PSD3: variants seen among roughly 807,000 people sequenced by gnomAD.
PSD3 encodes the protein PH and SEC7 domain-containing protein 3.
PSD3 carries 49 observed loss-of-function variants against 105.5 expected under a neutral mutation model. That is an observed-to-expected ratio of 0.46 (90% CI 0.37 to 0.59). The LOEUF (loss-of-function observed/expected upper bound fraction) is 0.59, where lower values mean the gene tolerates loss of function less well. Ranked by LOEUF, PSD3 falls within the 20% of genes least tolerant of loss-of-function variation. PSD3 has a pLI of 0.00. For synonymous variants in PSD3, 557 were observed against 457.8 expected, an observed-to-expected ratio of 1.22 and a Z score of -2.77; for missense variants, 1,561 against 1,263.8, an observed-to-expected ratio of 1.24 and a Z score of -3.57.
rs186249890 is a variant in PSD3 at position 18,648,229 on chromosome 8, A to C, written c.2216+7413T>G. Among the ~76,000 whole-genome samples, 7 of 152,332 alleles carry C rather than the reference A, an allele frequency of 4.6e-5. No individual in the cohort carries two copies. In the South Asian group the frequency reaches 1.0e-3, roughly 23 times the overall value. On this transcript the variant is annotated intron_variant, in intron 10 of 15. Transcript: ENST00000327040. ...TCAGAAGATGACAGGAAGATGAGGG[A>C]AAGTTTGAGACTTCCTAGAGGCTTC...
intron 12 of PSD3, 87 bp downstream of exon 12, chr8:18,600,277 T>C: frequency 8.4e-7 from 1 of 1,192,524 alleles, no homozygotes; most frequent in Non-Finnish European, 1.2e-6. Flanking sequence ...AAACCACAGA[T>C]AAGGGAGACT....
exon 1 of PSD3, chr8:19,084,523 C>G (rs1242809012): frequency 2.4e-6 from 1 of 419,160 alleles, no homozygotes; most frequent in Non-Finnish European, 4.8e-6. Flanking sequence ...CTGCTTTCAT[C>G]ACTCATGATG....
chr8:18,665,543 T>C (rs1389561235), intron 9 of PSD3, among the ~76,000 whole-genome samples: 1 of 152,110 alleles, frequency 6.6e-6, no homozygotes, highest in African/African-American at 2.4e-5. Context: ...ACTGTTAAAA[T>C]GACAAAAAAG....
chr8:19,082,127 A>G (rs1262984338), intron 1 of PSD3, among the ~76,000 whole-genome samples: 1 of 152,352 alleles, frequency 6.6e-6, no homozygotes, highest in East Asian at 1.9e-4. Context: ...TAATCTGTCC[A>G]GGGCTGGACA....
intron 1 of PSD3, among the ~76,000 whole-genome samples, chr8:19,001,143 G>T (rs1041474410): frequency 6.6e-6 from 1 of 151,146 alleles, no homozygotes; most frequent in South Asian, 2.1e-4. Context: ...CACCCAGACT[G>T]GAATGCAGTG....
At chr8:18,703,216 A>G (rs1320847151) in intron 9 of PSD3, among the ~76,000 whole-genome samples, 2 of 152,132 alleles carry the variant, frequency 1.3e-5, no homozygotes, top group Non-Finnish European at 2.9e-5. Flanking sequence ...ATGAATTAAT[A>G]GTCTACAAAG....
intron 15 of PSD3, among the ~76,000 whole-genome samples, chr8:18,539,351 T>C (rs149297061): frequency 9.8e-4 from 149 of 152,316 alleles, no homozygotes; most frequent in Non-Finnish European, 1.6e-3. Flanking sequence ...CCTCATATTC[T>C]CTTTCTGGGC....
intron 14 of PSD3, among the ~76,000 whole-genome samples, chr8:18,570,531 C>A (rs1802062351): frequency 6.7e-6 from 1 of 148,862 alleles, no homozygotes. Flanking sequence ...AGTGAACAGG[C>A]AACCTATAAA....
intron 14 of PSD3, among the ~76,000 whole-genome samples, chr8:18,558,739 T>G (rs1386708228): frequency 6.6e-6 from 1 of 152,164 alleles, no homozygotes; most frequent in Non-Finnish European, 1.5e-5. Context: ...GAGAATCACT[T>G]GAACCTGGGA....
chr8:18,692,950 G>GCT (rs1368186708), intron 9 of PSD3, among the ~76,000 whole-genome samples: 3 of 152,130 alleles, frequency 2.0e-5, no homozygotes, highest in Non-Finnish European at 4.4e-5. Flanking sequence ...TCACTACCGG[G>GCT]GGTAGAATGT....
chr8:18,763,045 C>A (rs1161928625), intron 9 of PSD3: 2 of 548,932 alleles, frequency 3.6e-6, no homozygotes, highest in Admixed American at 4.7e-5. Context: ...ACACAGCAGA[C>A]CTTTAATAAA....
At chr8:18,669,855 T>A (rs17644621) in intron 9 of PSD3, among the ~76,000 whole-genome samples, 4,099 of 152,280 alleles carry the variant, frequency 0.027, 128 homozygotes, top group East Asian at 0.14. Context: ...GAAGACTAAT[T>A]CATGTTTGTA....
chr8:18,676,470 G>A (rs532145832), intron 9 of PSD3, among the ~76,000 whole-genome samples: 19 of 152,242 alleles, frequency 1.2e-4, no homozygotes, highest in African/African-American at 4.3e-4. Context: ...GTCACACAAA[G>A]AAAAGAGCCA....
chr8:19,019,317 A>G (rs1827285379), intron 1 of PSD3, among the ~76,000 whole-genome samples: 2 of 152,192 alleles, frequency 1.3e-5, no homozygotes, highest in Admixed American at 6.5e-5. Flanking sequence ...GTCAAAAAAG[A>G]AAAAAACTAA....
intron 1 of PSD3, among the ~76,000 whole-genome samples, chr8:19,072,479 T>C (rs1477130428): frequency 1.3e-5 from 2 of 152,216 alleles, no homozygotes; most frequent in African/African-American, 4.8e-5. Flanking sequence ...TATGGAGAAT[T>C]AAGACATTAG....
intron 15 of PSD3, among the ~76,000 whole-genome samples, chr8:18,550,020 T>C (rs1237615543): frequency 6.6e-6 from 1 of 152,228 alleles, no homozygotes; most frequent in Non-Finnish European, 1.5e-5. Context: ...ATTCCCAATC[T>C]AGTCCTTTTT....
At chr8:18,767,955 G>A (rs1050016252) in intron 8 of PSD3, among the ~76,000 whole-genome samples, 3 of 151,484 alleles carry the variant, frequency 2.0e-5, no homozygotes, top group Admixed American at 6.6e-5. Flanking sequence ...TGAGAAAGCA[G>A]ACTTCTGGAG....
intron 1 of PSD3, among the ~76,000 whole-genome samples, chr8:18,952,418 T>C (rs1214163279): frequency 6.6e-6 from 1 of 152,238 alleles, no homozygotes; most frequent in African/African-American, 2.4e-5. Flanking sequence ...TTAAGTAAAC[T>C]TTTGGGATTC....
chr8:18,969,867 A>T (rs1824521385), intron 1 of PSD3, among the ~76,000 whole-genome samples: 1 of 152,020 alleles, frequency 6.6e-6, no homozygotes, highest in Admixed American at 6.6e-5. Flanking sequence ...CCATATAAAT[A>T]TTTAAAAAAA....
Sources: allele counts gnomAD v4.1 joint callset (sites outside exome capture counted in the v4.1 genomes callset), GRCh38; gene constraint gnomAD v4.1.1; transcripts MANE v1.5; gene names NCBI Gene and HGNC (gene_info 2026-07-23, HGNC 2026-07-21).